ZNRF3: variants seen among roughly 807,000 people sequenced by gnomAD.
ZNRF3 encodes the protein E3 ubiquitin-protein ligase ZNRF3.
Under a neutral mutation model 72.5 loss-of-function variants are expected in ZNRF3, and 23 were observed. That is an observed-to-expected ratio of 0.32 (90% CI 0.23 to 0.45). The LOEUF is 0.45. ZNRF3 is among the 20% of genes least tolerant of loss of function. ZNRF3 has a pLI of 1.00. For missense variants in ZNRF3, 1,169 were observed against 1,272.1 expected (o/e 0.92, Z 1.23); for synonymous variants, 610 against 545.3 (o/e 1.12, Z -1.65).
chr22:29,023,862 G>A (rs1035145810), intron 2 of ZNRF3, among the ~76,000 whole-genome samples: 6 of 152,134 alleles, frequency 3.9e-5, no homozygotes, highest in Admixed American at 1.3e-4. Context: ...CTGATAGCTG[G>A]GTGCCTCTTG....
At chr22:28,935,620 GAC>G (rs1181505993) in intron 1 of ZNRF3, among the ~76,000 whole-genome samples, 1 of 152,166 alleles carries the variant, frequency 6.6e-6, no homozygotes, top group East Asian at 1.9e-4. Context: ...CAACATCCCT[GAC>G]ACAGATCTGG....
At position 28,935,274 on chromosome 22, in the gene ZNRF3, C is replaced by G. The variant is rs574357756; in HGVS notation, c.300+51208C>G. 2.2e-4 allele frequency among the ~76,000 whole-genome samples: 33 copies of G among 152,338 alleles called. No homozygotes were observed. In the East Asian group the frequency reaches 5.6e-3, roughly 26 times the overall value. On this transcript the variant is annotated intron_variant, in intron 1 of 8. Coordinates refer to ENST00000544604, the MANE Select transcript of ZNRF3 (RefSeq NM_001206998.2). ...TTTAGCAGAAGGTTTTTAAGGTTGCCTGTGTACCTGCCCTTTGCCCCTAGA... is the reference window on the plus strand; with the variant it reads ...TTTAGCAGAAGGTTTTTAAGGTTGCGTGTGTACCTGCCCTTTGCCCCTAGA...
chr22:29,028,679 C>A (rs1569287579), intron 2 of ZNRF3, among the ~76,000 whole-genome samples: 1 of 152,168 alleles, frequency 6.6e-6, no homozygotes, highest in African/African-American at 2.4e-5. Context: ...AGTTACGTAA[C>A]CTTTGAGCCT....
intron 2 of ZNRF3, among the ~76,000 whole-genome samples, chr22:29,020,246 A>G (rs1484673602): frequency 3.5e-5 from 4 of 114,384 alleles, no homozygotes; most frequent in Non-Finnish European, 7.1e-5. Context: ...AGACACAACC[A>G]TCCTTTTTTT....
intron 1 of ZNRF3, among the ~76,000 whole-genome samples, chr22:28,985,568 A>G (rs973542127): frequency 2.0e-5 from 3 of 152,204 alleles, no homozygotes; most frequent in African/African-American, 7.2e-5. Context: ...TTTATCTCTT[A>G]GTCTTTCCCT....
intron 2 of ZNRF3, among the ~76,000 whole-genome samples, chr22:28,989,412 G>A (rs1274392654): frequency 6.6e-6 from 1 of 152,118 alleles, no homozygotes; most frequent in East Asian, 1.9e-4. Context: ...AAGTGTGGTT[G>A]TTCTCAGTCT....
intron 1 of ZNRF3, among the ~76,000 whole-genome samples, chr22:28,903,560 A>AT (rs1259780703): frequency 2.0e-5 from 3 of 151,808 alleles, no homozygotes; most frequent in Non-Finnish European, 2.9e-5. Flanking sequence ...GGAGAGCAGA[A>AT]TTTTTTTTTA....
At chr22:29,020,449 C>T (rs1246881850) in intron 2 of ZNRF3, among the ~76,000 whole-genome samples, 7 of 151,706 alleles carry the variant, frequency 4.6e-5, no homozygotes, top group Non-Finnish European at 7.4e-5. Flanking sequence ...TTAGTACAGA[C>T]GGGCTTTCAC....
chr22:29,020,791 G>A (rs896583354), intron 2 of ZNRF3, among the ~76,000 whole-genome samples: 45 of 150,378 alleles, frequency 3.0e-4, no homozygotes, highest in Non-Finnish European at 1.9e-4. Flanking sequence ...GTGTGTGTGT[G>A]TGTGTGTGTG....
intron 1 of ZNRF3, among the ~76,000 whole-genome samples, chr22:28,985,231 T>C (rs2035835436): frequency 6.6e-6 from 1 of 152,202 alleles, no homozygotes; most frequent in East Asian, 1.9e-4. Context: ...GGACCTGTAA[T>C]GCTGTCTTGG....
intron 1 of ZNRF3, among the ~76,000 whole-genome samples, chr22:28,945,879 A>T (rs887680534): frequency 2.0e-5 from 3 of 152,178 alleles, no homozygotes; most frequent in African/African-American, 7.2e-5. Flanking sequence ...AAAAAGAATG[A>T]AATTCTATCC....
intron 1 of ZNRF3, among the ~76,000 whole-genome samples, chr22:28,955,756 T>TAAA (rs879724130): frequency 1.4e-5 from 2 of 138,996 alleles, no homozygotes; most frequent in African/African-American, 5.3e-5. Flanking sequence ...CTGTCTCTAT[T>TAAA]AAAAAAAAAA....
chr22:28,955,382 C>T (rs1202570690), intron 1 of ZNRF3, among the ~76,000 whole-genome samples: 1 of 152,054 alleles, frequency 6.6e-6, no homozygotes, highest in Non-Finnish European at 1.5e-5. Flanking sequence ...GAAATATTAT[C>T]AAGAGTTTGT....
intron 2 of ZNRF3, chr22:29,018,075 G>A: frequency 1.9e-6 from 1 of 518,926 alleles, no homozygotes; most frequent in South Asian, 1.4e-5. Context: ...CAGATAGTGT[G>A]GGAGGGGAGG....
intron 2 of ZNRF3, among the ~76,000 whole-genome samples, chr22:28,992,148 A>G (rs2123832979): frequency 6.7e-6 from 1 of 150,232 alleles, no homozygotes; most frequent in East Asian, 2.0e-4. Context: ...GTGAGACCCT[A>G]TCTCTCTCCC....
At chr22:29,023,601 G>A (rs1310066362) in intron 2 of ZNRF3, among the ~76,000 whole-genome samples, 3 of 152,102 alleles carry the variant, frequency 2.0e-5, no homozygotes, top group Non-Finnish European at 4.4e-5. Context: ...GGCTATATTA[G>A]CTCCCACAAA....
Position 28,925,071 on chromosome 22 carries a change from G to C in ZNRF3, c.300+41005G>C, listed in dbSNP as rs527852171. ...TCAGTACACAAATCAGTGAAACCCT[G>C]TACCATACATACCTCCATGAGTGAA... On this transcript the variant is annotated intron_variant, in intron 1 of 8. Transcript: ENST00000544604. Among the ~76,000 whole-genome samples, 125 of 152,284 alleles carry C rather than the reference G, an allele frequency of 8.2e-4. 2 individuals carry two copies. In the South Asian group the frequency reaches 0.022, roughly 27 times the overall value.
At chr22:28,966,016 A>C (rs1359787607) in intron 1 of ZNRF3, among the ~76,000 whole-genome samples, 1 of 152,188 alleles carries the variant, frequency 6.6e-6, no homozygotes, top group Non-Finnish European at 1.5e-5. Context: ...AAACTTGGTG[A>C]CTTTACTGCA....
chr22:29,016,279 C>T (rs775615297), intron 2 of ZNRF3, among the ~76,000 whole-genome samples: 4 of 152,156 alleles, frequency 2.6e-5, no homozygotes, highest in African/African-American at 4.8e-5. Context: ...TATGTGACTG[C>T]CTTGAAGGAA....
Sources: allele counts gnomAD v4.1 joint callset (sites outside exome capture counted in the v4.1 genomes callset), GRCh38; gene constraint gnomAD v4.1.1; transcripts MANE v1.5; gene names NCBI Gene and HGNC (gene_info 2026-07-23, HGNC 2026-07-21).